The following ABCA1 variants were observed in gnomAD, a reference collection of about 807,000 sequenced individuals.
ABCA1 encodes the protein ATP binding cassette subfamily A member 1.
In ABCA1, 133 loss-of-function variants were observed where a neutral mutation model predicts 262.5. The ratio of observed to expected loss-of-function variants is 0.51; its 90% CI spans 0.44 to 0.59. The LOEUF (loss-of-function observed/expected upper bound fraction) is 0.59. ABCA1 is among the 20% of genes least tolerant of loss of function. ABCA1 has a pLI of 0.00. For synonymous variants in ABCA1, 1,022 were observed against 1,043.5 expected, an observed-to-expected ratio of 0.98 and a Z score of 0.40; for missense variants, 2,452 against 2,777.5, an observed-to-expected ratio of 0.88 and a Z score of 2.63.
At chr9:104,873,586 C>T (rs1564219752) in intron 5 of ABCA1, among the ~76,000 whole-genome samples, 1 of 152,200 alleles carries the variant, frequency 6.6e-6, no homozygotes, top group African/African-American at 2.4e-5. Context: ...AACAACAGAG[C>T]ACGAGAAACT....
chr9:104,804,773 C>T (rs1394545102), intron 31 of ABCA1, 53 bp from the exon 32 acceptor site: 12 of 1,478,862 alleles, frequency 8.1e-6, no homozygotes, highest in Non-Finnish European at 1.1e-5. Context: ...AGAATTGAAA[C>T]AGAAAACAAA....
At chr9:104,849,728 A>T (rs558285492) in intron 7 of ABCA1, among the ~76,000 whole-genome samples, 93 of 152,372 alleles carry the variant, frequency 6.1e-4, no homozygotes, top group African/African-American at 1.8e-3. Flanking sequence ...CATCCAAAAC[A>T]TACCATAACC....
At chr9:104,818,601 A>G (rs1588290726) in intron 23 of ABCA1, 62 bp downstream of exon 23, 1 of 1,480,310 alleles carries the variant, frequency 6.8e-7, no homozygotes, top group African/African-American at 1.4e-5. Context: ...GAAATCATTC[A>G]CAGCCAGCAA....
At chr9:104,901,193 AAAAAAAT>A (rs1588552806) in intron 2 of ABCA1, among the ~76,000 whole-genome samples, 2 of 152,102 alleles carry the variant, frequency 1.3e-5, no homozygotes, top group South Asian at 4.1e-4. Context: ...AAGCAGCTGC[AAAAAAAT>A]AAAAAATAAA....
chr9:104,788,037 A>C lies in ABCA1; in HGVS notation c.6087T>G (p.Ile2029Met). The C allele has an allele frequency of 1.2e-6, 2 of 1,614,178 alleles. No homozygotes were observed. Among genetic ancestry groups the C allele is most frequent in the Non-Finnish European group, 1.7e-6 (2 of 1,180,014 alleles). ...KEVGKVGEWA[I>M]RKLGLVKYGE... ...CATACTTCACGAGGCCCAGTTTCCGAATCGCCCACTCACCAACCTACAGTG... is the reference window on the plus strand; with the variant it reads ...CATACTTCACGAGGCCCAGTTTCCGCATCGCCCACTCACCAACCTACAGTG... Residue 2029 changes from isoleucine to methionine, a missense_variant, in exon 46 of 50, where the codon ATT (isoleucine) becomes ATG (methionine). Ile to Met is a conservative substitution (Grantham distance 10). Transcript: ENST00000374736.
rs1405364388 is a variant in ABCA1 at position 104,831,721 on chromosome 9, G to A, written c.1616C>T (p.Thr539Ile). Residue 539 changes from threonine (T) to isoleucine (I), a missense_variant, in exon 13 of 50, where the codon ACT becomes ATT. Transcript: ENST00000374736. The part of the protein sequence containing the change: ...ERKFWAGIVF[T>I]GITPGSIELP... The stretch of plus-strand genomic sequence containing the variant: ...CTCAATGCTGCCTGGAGTAATTCCA[G>A]TGAACACAATACCAGCCCAGAACTT... 4 of 1,614,054 alleles carry A rather than the reference G, an allele frequency of 2.5e-6. No individual in the cohort carries two copies. The highest frequency in any genetic ancestry group is 2.7e-5 in the African/African-American group (2 of 74,922).
intron 9 of ABCA1, 56 bp from the exon 10 acceptor site, chr9:104,837,623 C>G (rs1320858354): frequency 6.2e-7 from 1 of 1,601,094 alleles, no homozygotes; most frequent in Non-Finnish European, 8.5e-7. Flanking sequence ...CTGATAGAAA[C>G]TTACAAGGGC....
intron 30 of ABCA1, among the ~76,000 whole-genome samples, chr9:104,806,833 A>C (rs1445190350): frequency 2.0e-5 from 3 of 152,124 alleles, no homozygotes; most frequent in African/African-American, 7.2e-5. Flanking sequence ...CCCATGGAGG[A>C]GACGAACAAC....
At chr9:104,831,141 C>G (rs775142003) in intron 13 of ABCA1, 40 bp from the exon 14 acceptor site, 1 of 1,147,358 alleles carries the variant, frequency 8.7e-7, no homozygotes, top group African/African-American at 2.1e-5. Context: ...TCCTTTAGAA[C>G]CATACAATAA....
chr9:104,857,069 C>A (rs2472445), intron 7 of ABCA1, among the ~76,000 whole-genome samples: 21,614 of 152,066 alleles, frequency 0.14, 1,818 homozygotes, highest in East Asian at 0.33. Flanking sequence ...CTTTGGGAGG[C>A]CGAGGTGGGC....
chr9:104,817,896 A>T lies in ABCA1; in HGVS notation c.3463-492T>A, dbSNP rs761088013. Reference sequence around the variant, plus strand: ...CTGCACTTGAGTTAAGAGGCTCATTAAAAGGTAAATAAGTGGATAGGAGTT... The same window carrying T: ...CTGCACTTGAGTTAAGAGGCTCATTTAAAGGTAAATAAGTGGATAGGAGTT... On this transcript the variant is annotated intron_variant, in intron 23 of 49. Transcript: ENST00000374736. This position sits in a 1 kb window ranked among gnomAD's most constrained non-coding sequence, Gnocchi z 4.7. 3.3e-5 allele frequency among the ~76,000 whole-genome samples: 5 copies of T among 152,218 alleles called. No individual in the cohort carries two copies. Among genetic ancestry groups the T allele is most frequent in the Non-Finnish European group, 5.9e-5 (4 of 68,026 alleles).
Position 104,895,364 on chromosome 9 carries a change from G to C in ABCA1, c.67-6169C>G, listed in dbSNP as rs150241260. ...GTGACCCTACTGACATTTGGGGCCA[G>C]ATAGGTGTTGTGAGAGACTCTCCTA... On this transcript the variant is annotated intron_variant, in intron 2 of 49. Transcript: ENST00000374736. Among the ~76,000 whole-genome samples the C allele has an allele frequency of 1.6e-4, 24 of 152,338 alleles. No individual in the cohort carries two copies. The East Asian group carries it at 4.0e-3, about 26-fold the overall frequency.
In ABCA1 at chr9:104,794,808, T is replaced by C. The variant is rs902499150; in HGVS notation, c.5383-298A>G. On this transcript the variant is annotated intron_variant, in intron 39 of 49. Transcript: ENST00000374736. ...GCTAGATTTAATTAAAGCAAATCCATTAAAAATCCCTTAGCATTTGAAAAG... is the reference window on the plus strand; with the variant it reads ...GCTAGATTTAATTAAAGCAAATCCACTAAAAATCCCTTAGCATTTGAAAAG... Among the ~76,000 whole-genome samples the C allele has an allele frequency of 5.6e-4, 85 of 152,288 alleles. 1 individual carries two copies. The highest frequency in any genetic ancestry group is 1.3e-4 in the Non-Finnish European group (9 of 68,032).
Position 104,832,693 on chromosome 9 carries a change from C to A in ABCA1, c.1390G>T (p.Val464Leu), listed in dbSNP as rs563149622. Residue 464 changes from valine (V) to leucine (L), a missense_variant, in exon 12 of 50, where the codon GTG (valine) becomes TTG (leucine). Transcript: ENST00000374736. ...TCTGGGTGCTTGGCCAAAAACGCCA[C>A]GATGTCTTGGGCTGTCCAATCTAAG... is the stretch of plus-strand genomic sequence containing the variant. The part of the protein sequence containing the change: ...DGLDWTAQDI[V>L]AFLAKHPEDV... 8 of 1,614,176 alleles carry A rather than the reference C, an allele frequency of 5.0e-6. 1 individual carries two copies. The highest frequency in any genetic ancestry group is 2.2e-5 in the South Asian group (2 of 91,082).
chr9:104,902,102 C>T (rs1434151470), intron 2 of ABCA1, among the ~76,000 whole-genome samples: 1 of 152,150 alleles, frequency 6.6e-6, no homozygotes, highest in Non-Finnish European at 1.5e-5. Flanking sequence ...CAGTTTTTCT[C>T]AAAGGAAGAT....
At chr9:104,875,582 A>C (rs12346461) in intron 5 of ABCA1, among the ~76,000 whole-genome samples, 12,589 of 152,160 alleles carry the variant, frequency 0.083, 844 homozygotes, top group African/African-American at 0.18. Flanking sequence ...CATCTCCAGC[A>C]CAGTGACAAA....
chr9:104,806,156 T>C lies in ABCA1; in HGVS notation c.4464+85A>G, dbSNP rs900794754. 7.8e-5 allele frequency: 105 copies of C among 1,353,400 alleles called. 1 individual carries two copies. The Admixed American group carries it at 2.0e-3, about 25-fold the overall frequency. The allele number at this position is 1,353,400 out of a possible 1,614,324, so 83.8% of individuals were successfully genotyped here. On this transcript the variant is annotated intron_variant, in intron 31 of 49. Transcript: ENST00000374736. The stretch of plus-strand genomic sequence containing the variant: ...ACTGAAACAGACCCTCCCAACATGA[T>C]ATCTCACTCATTCCTGCTTCCAAGC...
intron 41 of ABCA1, 43 bp from the exon 42 acceptor site, chr9:104,792,949 T>A: frequency 6.2e-7 from 1 of 1,612,994 alleles, no homozygotes; most frequent in Non-Finnish European, 8.5e-7. Context: ...CAAACTATTT[T>A]TCAGGACAAA....
intron 37 of ABCA1, among the ~76,000 whole-genome samples, chr9:104,797,465 T>C (rs1261941156): frequency 6.6e-6 from 1 of 152,228 alleles, no homozygotes; most frequent in Non-Finnish European, 1.5e-5. Flanking sequence ...TGCAAAATCT[T>C]TGTGCTGCAG....
Sources: allele counts gnomAD v4.1 joint callset (sites outside exome capture counted in the v4.1 genomes callset), GRCh38; gene constraint gnomAD v4.1.1; non-coding constraint Gnocchi (gnomAD v3.1); transcripts MANE v1.5; gene names NCBI Gene and HGNC (gene_info 2026-07-23, HGNC 2026-07-21).